The following MTERF2 variants were observed in gnomAD, a reference collection of about 807,000 sequenced individuals.
MTERF2 encodes transcription termination factor 2, mitochondrial.
Under a neutral mutation model 29.2 loss-of-function variants are expected in MTERF2, and 23 were observed. The ratio of observed to expected loss-of-function variants is 0.79; its 90% CI spans 0.57 to 1.12. MTERF2 has a LOEUF of 1.12. Among genes scored for constraint, MTERF2 ranks in the 50% most tolerant of loss-of-function variants. MTERF2 has a pLI of 0.00. For missense variants in MTERF2, 440 were observed against 429.4 expected (o/e 1.02, Z -0.22); for synonymous variants, 157 against 159.5 (o/e 0.98, Z 0.12).
At chr12:106,984,791 A>G (rs1325918051) in intron 2 of MTERF2, among the ~76,000 whole-genome samples, 1 of 152,126 alleles carries the variant, frequency 6.6e-6, no homozygotes, top group Admixed American at 6.5e-5. Context: ...CATGATTGTG[A>G]GGTCTCCCCA....
chr12:106,978,897 T>C, intron 2 of MTERF2, 126 bp from the exon 3 acceptor site: 1 of 520,250 alleles, frequency 1.9e-6, no homozygotes, highest in Non-Finnish European at 3.2e-6. Flanking sequence ...AAACTGCTCA[T>C]GTGGAATATT....
chr12:106,981,635 C>T (rs1566233165), intron 2 of MTERF2, among the ~76,000 whole-genome samples: 1 of 152,006 alleles, frequency 6.6e-6, no homozygotes, highest in African/African-American at 2.4e-5. Context: ...ATTCTCCAGC[C>T]TCAGCCTCCT....
In MTERF2 at chr12:106,978,592, C is replaced by T. The variant is rs1368972500; in HGVS notation, c.123G>A (p.Ser41=). Residue 41 remains serine (S), a synonymous_variant, in exon 3 of 3, where the codon TCG becomes TCA. Coordinates refer to ENST00000240050, the MANE Select transcript of MTERF2 (RefSeq NM_001033050.3). ...CCACTGTTCTTGTATTTTCTTTGCT[C>T]GACTGTTTATCAGTTGTATAGGTGA... ...ACFTYTTDKQ[S]SKENTRTVEK... 1.3e-5 allele frequency: 21 copies of T among 1,614,062 alleles called. No individual in the cohort carries two copies. Among genetic ancestry groups the T allele is most frequent in the Non-Finnish European group, 1.7e-5 (20 of 1,180,010 alleles).
chr12:106,980,490 A>G (rs1952042636), intron 2 of MTERF2: 1 of 152,214 alleles, frequency 6.6e-6, no homozygotes, highest in Non-Finnish European at 1.5e-5. Flanking sequence ...AAACAGAAAG[A>G]AAGATCTTAC....
chr12:106,978,934 G>A (rs1391150552), intron 2 of MTERF2, among the ~76,000 whole-genome samples, 163 bp from the exon 3 acceptor site: 1 of 151,990 alleles, frequency 6.6e-6, no homozygotes, highest in East Asian at 1.9e-4. Context: ...AATAAGGATT[G>A]CTTGAACCCA....
intron 2 of MTERF2, 130 bp from the exon 3 acceptor site, chr12:106,978,901 G>A: frequency 2.0e-6 from 1 of 509,202 alleles, no homozygotes; most frequent in Non-Finnish European, 3.3e-6. Context: ...TGCTCATGTG[G>A]AATATTTTTA....
chr12:106,980,603 T>C (rs1593480036), intron 2 of MTERF2: 1 of 152,164 alleles, frequency 6.6e-6, no homozygotes, highest in Non-Finnish European at 1.5e-5. Flanking sequence ...GTAATGAAAA[T>C]ACATCTGGTT....
intron 2 of MTERF2, among the ~76,000 whole-genome samples, chr12:106,979,141 G>A (rs1952026663): frequency 6.6e-6 from 1 of 152,128 alleles, no homozygotes; most frequent in Non-Finnish European, 1.5e-5. Context: ...CAAGACCAAA[G>A]AGTTCAAAGG....
intron 2 of MTERF2, among the ~76,000 whole-genome samples, chr12:106,982,106 C>T (rs1293804313): frequency 5.9e-5 from 9 of 152,068 alleles, no homozygotes; most frequent in Non-Finnish European, 7.4e-5. Flanking sequence ...TTGCCATGGT[C>T]GATGTCCTTC....
chr12:106,977,712 T>G lies in MTERF2; in HGVS notation c.1003A>C (p.Arg335=). 2 of 1,614,006 alleles carry G rather than the reference T, an allele frequency of 1.2e-6. No individual in the cohort carries two copies. Among genetic ancestry groups the G allele is most frequent in the South Asian group, 2.2e-5 (2 of 91,072 alleles). The part of the protein sequence containing the change: ...LTPQIVQYRI[R]KLNSSGYRIK... ...CTGTAGCCTGAGGAATTCAGTTTCC[T>G]TATCCTGTACTGTACTATCTGTGGT... The change falls in exon 3 of 3, where the codon AGG becomes CGG. Residue 335 remains arginine (R), a synonymous_variant. Transcript: ENST00000240050.
At chr12:106,981,235 GTT>G (rs753570423) in intron 2 of MTERF2, among the ~76,000 whole-genome samples, 29 of 152,226 alleles carry the variant, frequency 1.9e-4, no homozygotes, top group Non-Finnish European at 3.1e-4. Context: ...CCTTGGGTAA[GTT>G]AGCCTCAGAG....
chr12:106,977,604 C>T lies in MTERF2; in HGVS notation c.1111G>A (p.Val371Ile), dbSNP rs775566859. Residue 371 changes from valine (V) to isoleucine (I), a missense_variant, in exon 3 of 3, where the codon GTA becomes ATA. By Grantham distance (29) the Val-to-Ile change is conservative. Coordinates refer to ENST00000240050, the MANE Select transcript of MTERF2 (RefSeq NM_001033050.3). ...ANFGKIQAKK[V>I]RPLFNPVAPL... ...GCCACAGGGTTAAATAATGGCCTTA[C>T]TTTTTTGGCCTGAATTTTGCCAAAA... The T allele has an allele frequency of 6.2e-7, 1 of 1,613,480 alleles. No individual in the cohort carries two copies. The highest frequency in any genetic ancestry group is 8.5e-7 in the Non-Finnish European group (1 of 1,179,752).
intron 1 of MTERF2, chr12:106,986,332 T>C (rs1163807122): frequency 1.3e-5 from 2 of 152,108 alleles, no homozygotes; most frequent in African/African-American, 4.8e-5. Context: ...AACGAGTTAA[T>C]ACCATAAATC....
Position 106,987,026 on chromosome 12 carries a change from T to C in MTERF2, c.-226A>G, listed in dbSNP as rs1184030122. 3 of 152,454 alleles carry C rather than the reference T, an allele frequency of 2.0e-5. No homozygotes were observed. Among genetic ancestry groups the C allele is most frequent in the African/African-American group, 7.2e-5 (3 of 41,434 alleles). 9.4% of individuals were successfully genotyped at this position (152,454 alleles called of 1,614,324 possible). A position where few individuals can be genotyped will look rare whatever the true frequency, so the allele number is the denominator to read the frequency against. On this transcript the variant is annotated 5_prime_UTR_variant, in exon 1 of 3. Coordinates refer to ENST00000240050, the MANE Select transcript of MTERF2 (RefSeq NM_001033050.3). ...AGTCCCGGGGGCCAGGCCCCGTCCT[T>C]CCCTCTCTCTCCGGCCAGCCTCCCC...
chr12:106,981,406 G>T (rs974045681), intron 2 of MTERF2, among the ~76,000 whole-genome samples: 1 of 152,246 alleles, frequency 6.6e-6, no homozygotes, highest in East Asian at 1.9e-4. Flanking sequence ...GCCTGGTACA[G>T]AGTAAAATTT....
chr12:106,980,982 T>C (rs1023912953), intron 2 of MTERF2, among the ~76,000 whole-genome samples: 12 of 152,336 alleles, frequency 7.9e-5, no homozygotes, highest in South Asian at 2.1e-4. Context: ...AGATAATTCC[T>C]AATACTGTTA....
chr12:106,981,705 G>A (rs1160991286), intron 2 of MTERF2, among the ~76,000 whole-genome samples: 1 of 152,184 alleles, frequency 6.6e-6, no homozygotes, highest in Admixed American at 6.5e-5. Flanking sequence ...ACTTTTTGTA[G>A]AGACAGGGTT....
In MTERF2 at chr12:106,978,184, A is replaced by G; in HGVS notation, c.531T>C (p.Phe177=). 1 of 1,613,974 alleles carries G rather than the reference A, an allele frequency of 6.2e-7. No homozygotes were observed. Among genetic ancestry groups the G allele is most frequent in the Non-Finnish European group, 8.5e-7 (1 of 1,180,016 alleles). Residue 177 remains phenylalanine, a synonymous_variant, in exon 3 of 3, where the codon TTT becomes TTC. Coordinates refer to ENST00000240050, the MANE Select transcript of MTERF2 (RefSeq NM_001033050.3). The stretch of plus-strand genomic sequence containing the variant: ...GCTTATTCTTCTCAACAGGATTATG[A>G]AAAACATTAGGTGCAGCTGTCAAAA... The part of the protein sequence containing the change: ...SRLLTAAPNV[F]HNPVEKNKQM...
At chr12:106,984,728 C>T (rs564209856) in intron 2 of MTERF2, among the ~76,000 whole-genome samples, 15 of 152,180 alleles carry the variant, frequency 9.9e-5, no homozygotes, top group Non-Finnish European at 8.8e-5. Flanking sequence ...TTTCGCTTGG[C>T]TCTCACTCTT....
Sources: allele counts gnomAD v4.1 joint callset (sites outside exome capture counted in the v4.1 genomes callset), GRCh38; gene constraint gnomAD v4.1.1; transcripts MANE v1.5; gene names NCBI Gene and HGNC (gene_info 2026-07-23, HGNC 2026-07-21).